The following HMCN1 variants were observed in gnomAD, a reference collection of about 807,000 sequenced individuals.
HMCN1 encodes hemicentin 1.
Under a neutral mutation model 625.9 loss-of-function variants are expected in HMCN1, and 321 were observed. The ratio of observed to expected loss-of-function variants is 0.51; its 90% CI spans 0.47 to 0.56. HMCN1 has a LOEUF of 0.56. HMCN1 is among the 20% of genes least tolerant of loss of function. HMCN1 has a pLI of 0.00. For missense variants in HMCN1, 6,588 were observed against 6,887.3 expected, an observed-to-expected ratio of 0.96 and a Z score of 1.54; for synonymous variants, 2,425 against 2,417.6, an observed-to-expected ratio of 1.00 and a Z score of -0.09.
intron 103 of HMCN1, among the ~76,000 whole-genome samples, chr1:186,177,767 G>C (rs937761369): frequency 1.0e-4 from 15 of 148,392 alleles, no homozygotes; most frequent in African/African-American, 3.9e-4. Flanking sequence ...GAAAAAACAA[G>C]AGAGAAATTT....
intron 97 of HMCN1, among the ~76,000 whole-genome samples, chr1:186,161,887 A>G (rs1451167165): frequency 6.6e-6 from 1 of 152,056 alleles, no homozygotes; most frequent in Non-Finnish European, 1.5e-5. Context: ...GAATCTGACA[A>G]TTATGTTTCT....
At chr1:186,040,089 TCTTA>T (rs1417282744) in intron 39 of HMCN1, among the ~76,000 whole-genome samples, 8 of 152,176 alleles carry the variant, frequency 5.3e-5, no homozygotes, top group Non-Finnish European at 7.3e-5. Context: ...AGTTCCCTTA[TCTTA>T]CTTTTAGGTG....
At chr1:185,816,770 TC>T (rs150800054) in intron 1 of HMCN1, among the ~76,000 whole-genome samples, 271 of 152,310 alleles carry the variant, frequency 1.8e-3, no homozygotes, top group Non-Finnish European at 2.9e-3. Context: ...ATTGTATACT[TC>T]CTTGGGTCCA....
intron 46 of HMCN1, among the ~76,000 whole-genome samples, chr1:186,058,151 C>T (rs1488352403): frequency 6.6e-6 from 1 of 151,980 alleles, no homozygotes; most frequent in Non-Finnish European, 1.5e-5. Context: ...AAGTAAGGCT[C>T]ATGATGGCCC....
At chr1:186,080,893 G>A (rs140327063) in intron 55 of HMCN1, among the ~76,000 whole-genome samples, 1 of 152,188 alleles carries the variant, frequency 6.6e-6, no homozygotes, top group East Asian at 1.9e-4. Context: ...AACTCAGAAG[G>A]TATAGTGGGA....
chr1:185,846,927 C>T (rs1374788327), intron 2 of HMCN1, among the ~76,000 whole-genome samples: 2 of 152,072 alleles, frequency 1.3e-5, no homozygotes, highest in Admixed American at 1.3e-4. Flanking sequence ...CACAAACATC[C>T]CCTAGATCTT....
chr1:186,089,363 A>G (rs1446576896), intron 63 of HMCN1, among the ~76,000 whole-genome samples: 1 of 152,082 alleles, frequency 6.6e-6, no homozygotes, highest in Non-Finnish European at 1.5e-5. Context: ...ACTAAGTTGA[A>G]ATACTTTTTC....
rs142909496 is a variant in HMCN1, at chr1:185,993,238, G to C, written c.3434G>C (p.Ser1145Thr). 6.2e-7 allele frequency: 1 copy of C among 1,613,052 alleles called. No homozygotes were observed. The highest frequency in any genetic ancestry group is 1.7e-5 in the Admixed American group (1 of 59,990). Residue 1145 changes from serine to threonine, a missense_variant, in exon 23 of 107, where the codon AGT becomes ACT. By Grantham distance (58) the Ser-to-Thr change is moderately conservative. This residue lies in a region of HMCN1 where 4,628 missense variants were observed against 4,853.1 expected (regional missense o/e 0.95). Transcript: ENST00000271588. ...MKITETRTSD[S>T]GMYLCVATNI... is the part of the protein sequence containing the mutation. ...ATCACTGAAACCCGCACTTCAGATA[G>C]TGGGATGTATCTTTGTGTTGCCACA...
Position 186,094,756 on chromosome 1 carries a change from G to A in HMCN1, c.10294+383G>A, listed in dbSNP as rs368554058. Among the ~76,000 whole-genome samples, 42 of 152,236 alleles carry A rather than the reference G, an allele frequency of 2.8e-4. No homozygotes were observed. In the East Asian group the frequency reaches 6.2e-3, roughly 22 times the overall value. ...TGCATATATGCATGTGTGTGTATGC[G>A]TATATATGGAGAGAACTCAATACCT... On this transcript the variant is annotated intron_variant, in intron 67 of 106. Coordinates refer to ENST00000271588, the MANE Select transcript of HMCN1 (RefSeq NM_031935.3).
chr1:186,052,467 T>C (rs989262762), intron 42 of HMCN1, among the ~76,000 whole-genome samples: 1 of 152,092 alleles, frequency 6.6e-6, no homozygotes, highest in Non-Finnish European at 1.5e-5. Context: ...ATCTGAAATA[T>C]GCAGTATGTC....
chr1:185,857,434 T>C (rs1339263061), intron 2 of HMCN1, among the ~76,000 whole-genome samples: 1 of 152,080 alleles, frequency 6.6e-6, no homozygotes, highest in Non-Finnish European at 1.5e-5. Context: ...ATTCTATGCA[T>C]TATACAGTTC....
intron 2 of HMCN1, among the ~76,000 whole-genome samples, chr1:185,859,825 G>A: frequency 6.6e-6 from 1 of 151,794 alleles, no homozygotes; most frequent in East Asian, 1.9e-4. Context: ...TGCCATGCCT[G>A]GCTAATTTTT....
Position 185,997,496 on chromosome 1 carries a change from A to G in HMCN1, c.3846A>G (p.Gln1282=). 1.2e-6 allele frequency: 2 copies of G among 1,611,884 alleles called. No homozygotes were observed. Among genetic ancestry groups the G allele is most frequent in the Non-Finnish European group, 8.5e-7 (1 of 1,178,392 alleles). Residue 1282 remains glutamine (Q), a synonymous_variant, in exon 25 of 107, where the codon CAA becomes CAG. Coordinates refer to ENST00000271588, the MANE Select transcript of HMCN1 (RefSeq NM_031935.3). ...NTTFQERVAN[Q]RIEFPCPAKG... is the part of the protein sequence containing the mutation. ...CTTTCCAAGAAAGAGTGGCCAATCA[A>G]CGCATTGAATTTCCATGTCCTGCAA... is the stretch of plus-strand genomic sequence containing the variant.
chr1:186,011,352 A>AT (rs1208031039), intron 30 of HMCN1, among the ~76,000 whole-genome samples: 2 of 152,156 alleles, frequency 1.3e-5, no homozygotes, highest in African/African-American at 4.8e-5. Flanking sequence ...CCTACTGCTG[A>AT]TTTTTAATGC....
chr1:185,983,252 C>A (rs1390786551), intron 18 of HMCN1, among the ~76,000 whole-genome samples: 1 of 151,910 alleles, frequency 6.6e-6, no homozygotes, highest in Non-Finnish European at 1.5e-5. Flanking sequence ...TATGGCAATA[C>A]ATTTTCTTCT....
chr1:186,087,482 C>T lies in HMCN1; in HGVS notation c.9200C>T (p.Ser3067Phe). Residue 3067 changes from serine to phenylalanine, a missense_variant, in exon 60 of 107, where the codon TCT becomes TTT. Ser to Phe is a radical substitution (Grantham distance 155). Coordinates refer to ENST00000271588, the MANE Select transcript of HMCN1 (RefSeq NM_031935.3). ...SIKDHDSESL[S>F]VVNVREGTSV... ...AAAGACCATGACAGTGAATCTCTTT[C>T]TGTAGTTAATGTAAGAGAGGGAACT... 2 of 1,613,278 alleles carry T rather than the reference C, an allele frequency of 1.2e-6. No individual in the cohort carries two copies. The highest frequency in any genetic ancestry group is 1.7e-6 in the Non-Finnish European group (2 of 1,179,474).
chr1:185,884,324 CA>C (rs1172851713), intron 4 of HMCN1, among the ~76,000 whole-genome samples: 1 of 151,890 alleles, frequency 6.6e-6, no homozygotes, highest in Non-Finnish European at 1.5e-5. Flanking sequence ...TTTGCATGCA[CA>C]GATTGTTATT....
intron 4 of HMCN1, among the ~76,000 whole-genome samples, chr1:185,867,291 AC>A (rs1663318175): frequency 2.6e-5 from 4 of 152,298 alleles, no homozygotes; most frequent in African/African-American, 9.6e-5. Flanking sequence ...GGAGCCCTCA[AC>A]AGTTGATTTG....
intron 11 of HMCN1, among the ~76,000 whole-genome samples, chr1:185,949,135 C>T (rs1668507682): frequency 6.6e-6 from 1 of 151,894 alleles, no homozygotes; most frequent in Middle Eastern, 3.2e-3. Context: ...TATTTATTTA[C>T]TTCAAGAGTT....
Sources: allele counts gnomAD v4.1 joint callset (sites outside exome capture counted in the v4.1 genomes callset), GRCh38; gene constraint gnomAD v4.1.1; regional missense constraint gnomAD v4.1.1; transcripts MANE v1.5; gene names NCBI Gene and HGNC (gene_info 2026-07-23, HGNC 2026-07-21).